Variants in IGSF11 observed in about 807,000 individuals in gnomAD.
The protein encoded by IGSF11 is CXADR like 1.
A neutral mutation model predicts 41.0 loss-of-function variants in IGSF11; 22 were observed. That is an observed-to-expected ratio of 0.54 (90% CI 0.38 to 0.77). The LOEUF is 0.77. Among genes scored for constraint, IGSF11 ranks in the 30% least tolerant of loss-of-function variants. The probability of loss-of-function intolerance (pLI) is 0.00; values close to 1 mark genes in which losing one functional copy is unlikely to be tolerated. For missense variants in IGSF11, 444 were observed against 530.8 expected, an observed-to-expected ratio of 0.84 and a Z score of 1.61; for synonymous variants, 219 against 201.3, an observed-to-expected ratio of 1.09 and a Z score of -0.74.
At chr3:119,077,212 G>C (rs1364379506) in intron 1 of IGSF11, among the ~76,000 whole-genome samples, 1 of 151,626 alleles carries the variant, frequency 6.6e-6, no homozygotes, top group African/African-American at 2.4e-5. Flanking sequence ...GGTGGGAATT[G>C]AACAACGAGA....
chr3:118,935,335 GAT>G lies in IGSF11; in HGVS notation c.53-5062_53-5061del, dbSNP rs1179892182. 7.1e-4 allele frequency among the ~76,000 whole-genome samples: 94 copies of G among 132,924 alleles called. 1 individual carries two copies. The highest frequency in any genetic ancestry group is 2.2e-3 in the African/African-American group (78 of 35,268). 87.2% of individuals were successfully genotyped at this position (132,924 alleles called of 152,430 possible). On this transcript the variant is annotated intron_variant, in intron 1 of 6. Transcript: ENST00000393775. ...ATATATATATGTATATACACCCTGAGATATATATATATATACATGTATATACA... is the reference window on the plus strand; with the variant it reads ...ATATATATATGTATATACACCCTGAGATATATATATATACATGTATATACA...
intron 1 of IGSF11, among the ~76,000 whole-genome samples, chr3:118,971,131 T>C (rs1334191613): frequency 2.0e-5 from 3 of 152,154 alleles, no homozygotes; most frequent in South Asian, 2.1e-4. Context: ...GAGGCAATTA[T>C]ACTATTAAAG....
chr3:119,105,227 G>T (rs753019589), upstream of IGSF11: 7 of 1,417,806 alleles, frequency 4.9e-6, no homozygotes, highest in Non-Finnish European at 6.9e-6. Context: ...GAGAACAGGG[G>T]AAGAGAGACT....
intron 1 of IGSF11, among the ~76,000 whole-genome samples, chr3:118,950,095 T>G (rs1394172830): frequency 6.6e-6 from 1 of 152,178 alleles, no homozygotes; most frequent in Non-Finnish European, 1.5e-5. Context: ...AGTATAAATT[T>G]TTACTTCCCA....
intron 1 of IGSF11, among the ~76,000 whole-genome samples, chr3:119,121,483 T>C (rs1385748080): frequency 2.0e-5 from 3 of 152,104 alleles, no homozygotes; most frequent in African/African-American, 7.2e-5. Flanking sequence ...TTATCAAATT[T>C]AAAGATAGGT....
chr3:119,125,526 C>A (rs1387041692), intron 1 of IGSF11, among the ~76,000 whole-genome samples: 1 of 151,876 alleles, frequency 6.6e-6, no homozygotes, highest in African/African-American at 2.4e-5. Context: ...AAGGGCGGGA[C>A]GGTGTATTGT....
chr3:119,109,015 A>G (rs1348954285), upstream of IGSF11, among the ~76,000 whole-genome samples: 1 of 131,640 alleles, frequency 7.6e-6, no homozygotes. Context: ...GGATTTTTGC[A>G]TCAATGTTCA....
intron 1 of IGSF11, among the ~76,000 whole-genome samples, chr3:119,117,713 A>G (rs1485255724): frequency 1.3e-5 from 2 of 152,236 alleles, no homozygotes; most frequent in Admixed American, 1.3e-4. Context: ...TCCACAGTCC[A>G]AAGTTTCATC....
At chr3:118,989,904 G>C (rs1282635195) in intron 1 of IGSF11, among the ~76,000 whole-genome samples, 1 of 152,128 alleles carries the variant, frequency 6.6e-6, no homozygotes, top group Non-Finnish European at 1.5e-5. Context: ...GGCTCTAAAG[G>C]GGAGATAACT....
At chr3:118,916,008 G>C (rs1941035826) in intron 4 of IGSF11, among the ~76,000 whole-genome samples, 1 of 141,338 alleles carries the variant, frequency 7.1e-6, no homozygotes, top group African/African-American at 2.8e-5. Flanking sequence ...GCCAAACTAA[G>C]CTTCATAAGT....
chr3:119,082,233 T>C (rs1403018695), intron 1 of IGSF11, among the ~76,000 whole-genome samples: 1 of 152,054 alleles, frequency 6.6e-6, no homozygotes, highest in Non-Finnish European at 1.5e-5. Context: ...ATTTAATAGG[T>C]AAGAAAAAAT....
chr3:119,073,464 G>A (rs908182252), intron 1 of IGSF11, among the ~76,000 whole-genome samples: 19 of 152,182 alleles, frequency 1.2e-4, no homozygotes, highest in South Asian at 6.2e-4. Flanking sequence ...AGGTGGTGGC[G>A]CCCATCGGGG....
intron 1 of IGSF11, among the ~76,000 whole-genome samples, chr3:119,075,667 T>C (rs2076482436): frequency 6.6e-6 from 1 of 152,106 alleles, no homozygotes; most frequent in Admixed American, 6.5e-5. Context: ...GCAAGATTGG[T>C]TCAACATACA....
upstream of IGSF11, among the ~76,000 whole-genome samples, chr3:119,039,797 T>C (rs1280117131): frequency 6.6e-6 from 1 of 152,208 alleles, no homozygotes; most frequent in African/African-American, 2.4e-5. Flanking sequence ...CTTCTTAAGA[T>C]CTTTTCTCAT....
chr3:119,115,317 A>G (rs1260824303), intron 1 of IGSF11, among the ~76,000 whole-genome samples: 2 of 152,138 alleles, frequency 1.3e-5, no homozygotes, highest in Non-Finnish European at 2.9e-5. Flanking sequence ...TTTTTGAGGA[A>G]CCTCCAAACC....
At chr3:118,946,486 T>C (rs1251746346) in intron 1 of IGSF11, among the ~76,000 whole-genome samples, 1 of 151,426 alleles carries the variant, frequency 6.6e-6, no homozygotes, top group Non-Finnish European at 1.5e-5. Flanking sequence ...AAGAAAGAAA[T>C]CTTTTGAGGC....
intron 1 of IGSF11, among the ~76,000 whole-genome samples, chr3:119,138,269 C>T (rs960243413): frequency 1.4e-4 from 22 of 152,234 alleles, no homozygotes; most frequent in African/African-American, 5.3e-4. Context: ...ATCTTCACTC[C>T]CATGTTTATT....
chr3:119,058,331 C>T (rs541795426), intron 1 of IGSF11, among the ~76,000 whole-genome samples: 413 of 152,266 alleles, frequency 2.7e-3, no homozygotes, highest in African/African-American at 9.6e-3. Context: ...ACAGACACTT[C>T]CCAAAAGAAG....
At chr3:119,015,718 G>A (rs1282344550) in intron 1 of IGSF11, among the ~76,000 whole-genome samples, 1 of 150,408 alleles carries the variant, frequency 6.6e-6, no homozygotes, top group Non-Finnish European at 1.5e-5. Flanking sequence ...GCAGGCACTA[G>A]ATAAATATTT....
Sources: gnomAD v4.1 joint callset for allele counts (sites outside exome capture counted in the v4.1 genomes callset) on GRCh38, gnomAD v4.1.1 for gene constraint, MANE v1.5 for transcripts, NCBI Gene and HGNC (gene_info 2026-07-23, HGNC 2026-07-21) for gene names.